Variants in KMT2D observed in about 807,000 individuals in gnomAD.
The protein encoded by KMT2D is histone-lysine N-methyltransferase 2D.
Under a neutral mutation model 512.7 loss-of-function variants are expected in KMT2D, and 55 were observed. That is an observed-to-expected ratio of 0.11 (90% confidence interval 0.09 to 0.13). The LOEUF is 0.13. KMT2D is among the 10% of genes least tolerant of loss of function. The probability of loss-of-function intolerance (pLI) is 1.00; values close to 1 mark genes in which losing one functional copy is unlikely to be tolerated. For synonymous variants in KMT2D, 2,995 were observed against 2,904.0 expected (o/e 1.03, Z -1.01); for missense variants, 6,061 against 7,127.9 (o/e 0.85, Z 5.39).
chr12:49,042,381 C>G lies in KMT2D; in HGVS notation c.5868-51G>C. The G allele has an allele frequency of 3.4e-6, 5 of 1,491,206 alleles. No homozygotes were observed. Among genetic ancestry groups the G allele is most frequent in the Non-Finnish European group, 4.5e-6 (5 of 1,118,514 alleles). 92.4% of individuals were successfully genotyped at this position (1,491,206 alleles called of 1,614,324 possible). ...AGGGCGCAGGGATGCCAAGTCCCAC[C>G]CCAGACAAACTGCCTAGAGCCCCAG... On this transcript the variant is annotated intron_variant, in intron 28 of 54. Transcript: ENST00000301067. The surrounding 1 kb of genome is among the most constrained non-coding windows in gnomAD (Gnocchi z 4.4).
Position 49,024,546 on chromosome 12 carries a change from C to G in KMT2D, c.16052+32G>C. On this transcript the variant is annotated intron_variant, in intron 51 of 54. Coordinates refer to ENST00000301067, the MANE Select transcript of KMT2D (RefSeq NM_003482.4). The surrounding 1 kb of genome is among the most constrained non-coding windows in gnomAD (Gnocchi z 4.5). ...GAGGATCCCTGTCAACACCCACACC[C>G]ACATCCCTTGGCTCCAGCATCACAA... The G allele has an allele frequency of 1.3e-6, 2 of 1,584,762 alleles. No individual in the cohort carries two copies. The highest frequency in any genetic ancestry group is 2.3e-5 in the South Asian group (2 of 86,822).
rs1237654242 is a variant in KMT2D at position 49,028,839 on chromosome 12, C to G, written c.14371G>C (p.Ala4791Pro). 1 of 1,613,946 alleles carries G rather than the reference C, an allele frequency of 6.2e-7. No homozygotes were observed. The highest frequency in any genetic ancestry group is 8.5e-7 in the Non-Finnish European group (1 of 1,179,878). The change falls in exon 46 of 55, where the codon GCT becomes CCT. Residue 4791 changes from alanine to proline, a missense_variant. By Grantham distance (27) the Ala-to-Pro change is conservative (BLOSUM62 -1). This residue lies in a region of KMT2D where 1,600 missense variants were observed against 1,754.9 expected (regional missense o/e 0.91). Transcript: ENST00000301067. Reference protein sequence around the residue: ...EVSVMLTVSAAAAKNLNGVMV... With the variant: ...EVSVMLTVSAPAAKNLNGVMV... ...CCCCTAGGACACACCTTGGCTGCAG[C>G]AGCAGAGACTGTGAGCATGACTGAC...
In KMT2D at chr12:49,026,246, C is replaced by T. The variant is rs1485664140; in HGVS notation, c.15720G>A (p.Glu5240=). The part of the protein sequence containing the change: ...CSIGENNGRP[E]FVIKVIEQGL... ...CCTGCTCGATGACTTTGATTACAAA[C>T]TCCGGCCGCCCGTTGTTCTCACCAA... Residue 5240 remains glutamate (E), a synonymous_variant, in exon 49 of 55, where the codon GAG becomes GAA. Transcript: ENST00000301067. The surrounding 1 kb of genome is among the most constrained non-coding windows in gnomAD (Gnocchi z 9.6). 3 of 1,603,912 alleles carry T rather than the reference C, an allele frequency of 1.9e-6. No individual in the cohort carries two copies. The highest frequency in any genetic ancestry group is 1.7e-6 in the Non-Finnish European group (2 of 1,171,554).
In KMT2D at chr12:49,053,514, G is replaced by A. The variant is rs748510679; in HGVS notation, c.801C>T (p.Gly267=). The A allele has an allele frequency of 1.2e-6, 2 of 1,608,160 alleles. No homozygotes were observed. Among genetic ancestry groups the A allele is most frequent in the East Asian group, 2.2e-5 (1 of 44,616 alleles). Residue 267 remains glycine, a synonymous_variant, in exon 7 of 55, where the codon GGC becomes GGT. Coordinates refer to ENST00000301067, the MANE Select transcript of KMT2D (RefSeq NM_003482.4). ...DTALTARKRA[G]WQCPECKVCQ... ...ACACTTTGCATTCAGGGCACTGCCA[G>A]CCAGCACGTTTGCGGGCAGTCAGAG...
chr12:49,044,025 T>A lies in KMT2D; in HGVS notation c.5189-27A>T, dbSNP rs1943668034. ...TGTGGACAGAACGGAAGTGTCAGAC[T>A]CGGGTTGAGAGCATGCTGCTCCCAA... On this transcript the variant is annotated intron_variant, in intron 22 of 54. Coordinates refer to ENST00000301067, the MANE Select transcript of KMT2D (RefSeq NM_003482.4). This position sits in a 1 kb window ranked among gnomAD's most constrained non-coding sequence, Gnocchi z 6.4. 1 of 1,612,696 alleles carries A rather than the reference T, an allele frequency of 6.2e-7. No homozygotes were observed. Among genetic ancestry groups the A allele is most frequent in the African/African-American group, 1.3e-5 (1 of 74,906 alleles).
chr12:49,050,723 C>T lies in KMT2D; in HGVS notation c.2865G>A (p.Gly955=), dbSNP rs2120655843. 6.2e-7 allele frequency: 1 copy of T among 1,613,340 alleles called. No homozygotes were observed. Residue 955 remains glycine, a synonymous_variant, in exon 12 of 55, where the codon GGG becomes GGA. Transcript: ENST00000301067. ...TGGCACCAAAGGGGTACTCTAACTC[C>T]CCCAAAGGAGACAGGGCCGGTGGGG... ...AAAPPALSPL[G]ELEYPFGAKG...
rs2137714568 is a variant in KMT2D, at chr12:49,026,172, C to A, written c.15784+10G>T. 5 of 1,554,120 alleles carry A rather than the reference C, an allele frequency of 3.2e-6. No individual in the cohort carries two copies. Among genetic ancestry groups the A allele is most frequent in the Non-Finnish European group, 4.4e-6 (5 of 1,147,688 alleles). The stretch of plus-strand genomic sequence containing the variant: ...TTCCATATTATCCATTTCAAGGGCC[C>A]ACTGCTCACCCTGGGGAGAGGCGTC... On this transcript the variant is annotated intron_variant, in intron 49 of 54. Coordinates refer to ENST00000301067, the MANE Select transcript of KMT2D (RefSeq NM_003482.4). This position sits in a 1 kb window ranked among gnomAD's most constrained non-coding sequence, Gnocchi z 9.6.
Position 49,046,443 on chromosome 12 carries a change from CAG to C in KMT2D, c.4419-21_4419-20del. 8 of 1,611,586 alleles carry C rather than the reference CAG, an allele frequency of 5.0e-6. No individual in the cohort carries two copies. The highest frequency in any genetic ancestry group is 6.8e-6 in the Non-Finnish European group (8 of 1,178,302). ...CACACACCTGATAGGAGCAGGAAAA[CAG>C]AGCTTTAGCACCCAACCTACCCGAA... On this transcript the variant is annotated intron_variant, in intron 16 of 54. Transcript: ENST00000301067. This position sits in a 1 kb window ranked among gnomAD's most constrained non-coding sequence, Gnocchi z 4.2.
chr12:49,049,912 G>A lies in KMT2D; in HGVS notation c.3676C>T (p.Leu1226Phe), dbSNP rs1937834356. ...ASASFPGSEP[L>F]LGSPDPEGGG... Reference sequence around the variant, plus strand: ...CCCTCCGGGTCTGGAGAGCCCAGGAGGGGCTCTGAGCCAGGAAAACTGGCA... The same window carrying A: ...CCCTCCGGGTCTGGAGAGCCCAGGAAGGGCTCTGAGCCAGGAAAACTGGCA... Residue 1226 changes from leucine to phenylalanine, a missense_variant, in exon 12 of 55, where the codon CTC (leucine) becomes TTC (phenylalanine). Leu to Phe is a conservative substitution (Grantham distance 22). This residue lies in a region of KMT2D where 447 missense variants were observed against 500.1 expected (regional missense o/e 0.89). Coordinates refer to ENST00000301067, the MANE Select transcript of KMT2D (RefSeq NM_003482.4). 1 of 1,613,944 alleles carries A rather than the reference G, an allele frequency of 6.2e-7. No homozygotes were observed. The highest frequency in any genetic ancestry group is 1.3e-5 in the African/African-American group (1 of 75,058).
rs1485781380 is a variant in KMT2D at position 49,038,603 on chromosome 12, G to A, written c.8753C>T (p.Pro2918Leu). Residue 2918 changes from proline (P) to leucine (L), a missense_variant, in exon 35 of 55, where the codon CCT (proline) becomes CTT (leucine). Pro to Leu is a moderately conservative substitution (Grantham distance 98). Coordinates refer to ENST00000301067, the MANE Select transcript of KMT2D (RefSeq NM_003482.4). This position sits in a 1 kb window ranked among gnomAD's most constrained non-coding sequence, Gnocchi z 5.7. ...PVSEDPHRLA[P>L]EGLRGLAVSG... ...TACCGCCAGGCCCCGAAGCCCTTCA[G>A]GAGCCAGTCGGTGGGGGTCCTCACT... 2.5e-6 allele frequency: 4 copies of A among 1,612,848 alleles called. No homozygotes were observed. The highest frequency in any genetic ancestry group is 2.2e-5 in the South Asian group (2 of 91,080).
chr12:49,054,780 C>T lies in KMT2D; in HGVS notation c.177-29G>A, dbSNP rs2120714290. ...TGGACACACAAGCATCAGTACCACGCCAGGCCCCCAGCAACCCCATGATCT... is the reference window on the plus strand; with the variant it reads ...TGGACACACAAGCATCAGTACCACGTCAGGCCCCCAGCAACCCCATGATCT... On this transcript the variant is annotated intron_variant, in intron 3 of 54. Coordinates refer to ENST00000301067, the MANE Select transcript of KMT2D (RefSeq NM_003482.4). This position sits in a 1 kb window ranked among gnomAD's most constrained non-coding sequence, Gnocchi z 6.4. 6.2e-7 allele frequency: 1 copy of T among 1,608,976 alleles called. No homozygotes were observed. Among genetic ancestry groups the T allele is most frequent in the Non-Finnish European group, 8.5e-7 (1 of 1,175,698 alleles).
In KMT2D at chr12:49,032,766, T is replaced by C. The variant is rs750537814; in HGVS notation, c.11939A>G (p.Gln3980Arg). 1.9e-6 allele frequency: 3 copies of C among 1,568,058 alleles called. No individual in the cohort carries two copies. Among genetic ancestry groups the C allele is most frequent in the Admixed American group, 3.8e-5 (2 of 52,418 alleles). ...CTGAGGAGACAGTAAAGTTCGACTC[T>C]GGTTTAAAAGGCCCATCTGCTGCTG... ...QQQQQMGLLN[Q>R]SRTLLSPQQQ... The change falls in exon 40 of 55, where the codon CAG becomes CGG. Residue 3980 changes from glutamine (Q) to arginine (R), a missense_variant. Gln to Arg is a conservative substitution (Grantham distance 43). Transcript: ENST00000301067.
In KMT2D at chr12:49,044,852, C is replaced by T; in HGVS notation, c.4855G>A (p.Gly1619Ser). ...TCCAATCCTGCCTCGCCTGGGAGGC[C>T]AAGCCGTCCTCGCCGTTGGCGCCGC... is the stretch of plus-strand genomic sequence containing the variant. ...HKRRQRRGRL[G>S]LPGEAGLEGS... is the part of the protein sequence containing the mutation. Residue 1619 changes from glycine (G) to serine (S), a missense_variant, in exon 20 of 55, where the codon GGC becomes AGC. Physicochemically the swap from Gly to Ser is moderately conservative, Grantham distance 56. Around this residue, in one of 16 missense-constraint regions of KMT2D, gnomAD observed 640 missense variants for 814.3 expected, o/e 0.79. Transcript: ENST00000301067. The surrounding 1 kb of genome is among the most constrained non-coding windows in gnomAD (Gnocchi z 6.4). 1 of 1,614,070 alleles carries T rather than the reference C, an allele frequency of 6.2e-7. No homozygotes were observed. Among genetic ancestry groups the T allele is most frequent in the Non-Finnish European group, 8.5e-7 (1 of 1,179,906 alleles).
Position 49,026,890 on chromosome 12 carries a change from G to A in KMT2D, c.15076C>T (p.Pro5026Ser), listed in dbSNP as rs1284955370. 1.2e-6 allele frequency: 2 copies of A among 1,614,008 alleles called. No homozygotes were observed. The highest frequency in any genetic ancestry group is 1.1e-5 in the South Asian group (1 of 91,086). ...AAACAGCAGCGACGCATGTCTCGCG[G>A]TACCTTGTCAGGTCGCAAGGCTGTG... The part of the protein sequence containing the change: ...LGTALRPDKV[P>S]RDMRRCCFCH... Residue 5026 changes from proline (P) to serine (S), a missense_variant, in exon 49 of 55, where the codon CCG becomes TCG. This residue lies in a region of KMT2D where 1,600 missense variants were observed against 1,754.9 expected (regional missense o/e 0.91). Coordinates refer to ENST00000301067, the MANE Select transcript of KMT2D (RefSeq NM_003482.4). The surrounding 1 kb of genome is among the most constrained non-coding windows in gnomAD (Gnocchi z 9.6).
In KMT2D at chr12:49,041,188, G is replaced by C. The variant is rs754308139; in HGVS notation, c.6582C>G (p.Pro2194=). ...TAGGACTAGGATAGGGGGGATAGGT[G>C]GGCGGTGCCGTGGGGAAGCGGGGCT... ...PLEPRFPTAP[P]TYPPYPSPTG... Residue 2194 remains proline (P), a synonymous_variant, in exon 32 of 55, where the codon CCC becomes CCG. Coordinates refer to ENST00000301067, the MANE Select transcript of KMT2D (RefSeq NM_003482.4). This position sits in a 1 kb window ranked among gnomAD's most constrained non-coding sequence, Gnocchi z 5.4. The C allele has an allele frequency of 1.3e-6, 2 of 1,515,880 alleles. No homozygotes were observed. The highest frequency in any genetic ancestry group is 2.3e-5 in the Admixed American group (1 of 43,290). 93.9% of individuals were successfully genotyped at this position (1,515,880 alleles called of 1,614,324 possible).
rs1437633245 is a variant in KMT2D, at chr12:49,050,566, G to C, written c.3022C>G (p.Pro1008Ala). ...AGGATGGGAGAAGCCGGCCCCACTG[G>C]GGAGCCTGGAGATGGGGGAAGGATC... is the stretch of plus-strand genomic sequence containing the variant. ...PMILPPSPGS[P>A]VGPASPILME... is the part of the protein sequence containing the mutation. Residue 1008 changes from proline to alanine, a missense_variant, in exon 12 of 55, where the codon CCA (proline) becomes GCA (alanine). This residue lies in a region of KMT2D where 447 missense variants were observed against 500.1 expected (regional missense o/e 0.89). Coordinates refer to ENST00000301067, the MANE Select transcript of KMT2D (RefSeq NM_003482.4). 6.2e-7 allele frequency: 1 copy of C among 1,604,278 alleles called. No homozygotes were observed. The highest frequency in any genetic ancestry group is 8.5e-7 in the Non-Finnish European group (1 of 1,172,902).
chr12:49,027,696 T>C, intron 48 of KMT2D, 107 bp downstream of exon 48: 1 of 1,387,074 alleles, frequency 7.2e-7, no homozygotes, highest in Middle Eastern at 1.8e-4. Context: ...CTAAAGTGAT[T>C]CACTCGCCTT....
chr12:49,047,383 C>T (rs915584685), intron 15 of KMT2D, among the ~76,000 whole-genome samples: 2 of 150,660 alleles, frequency 1.3e-5, no homozygotes, highest in African/African-American at 2.4e-5. Flanking sequence ...GACTGTGGAC[C>T]GAATTAGGTC....
chr12:49,048,188 C>T (rs1937672489), intron 14 of KMT2D, 119 bp from the exon 15 acceptor site: 3 of 643,754 alleles, frequency 4.7e-6, no homozygotes, highest in African/African-American at 3.6e-5. Context: ...CATCCCACAG[C>T]GTTAGGATGC....
Sources: gnomAD v4.1 joint callset for allele counts (sites outside exome capture counted in the v4.1 genomes callset) on GRCh38, gnomAD v4.1.1 for gene constraint, gnomAD v4.1.1 regional missense constraint, Gnocchi (gnomAD v3.1) non-coding constraint, MANE v1.5 for transcripts, NCBI Gene and HGNC (gene_info 2026-07-23, HGNC 2026-07-21) for gene names.